Variants in RAD51B observed in about 807,000 individuals in gnomAD.
RAD51B encodes the protein RAD51 paralog B.
RAD51B carries 38 observed loss-of-function variants against 42.2 expected under a neutral mutation model. That is an observed-to-expected ratio of 0.90 (90% CI 0.70 to 1.18). RAD51B has a LOEUF of 1.18. RAD51B is among the 50% of genes most tolerant of loss of function. The pLI, the probability that RAD51B is intolerant of heterozygous loss-of-function variation, is 0.00. For missense variants in RAD51B, 373 were observed against 400.7 expected (o/e 0.93, Z 0.59); for synonymous variants, 154 against 145.2 (o/e 1.06, Z -0.43).
intron 7 of RAD51B, among the ~76,000 whole-genome samples, chr14:68,074,230 A>T (rs2076798300): frequency 6.6e-6 from 1 of 152,060 alleles, no homozygotes; most frequent in Admixed American, 6.5e-5. Flanking sequence ...GTTTTTTAAA[A>T]TTCTTTTTTC....
At chr14:67,937,535 A>G (rs1043632534) in intron 7 of RAD51B, among the ~76,000 whole-genome samples, 6 of 152,216 alleles carry the variant, frequency 3.9e-5, no homozygotes, top group Non-Finnish European at 8.8e-5. Context: ...CTCTAGGTAT[A>G]GTGGGAGTAA....
chr14:68,304,973 C>T (rs755854099), intron 8 of RAD51B, among the ~76,000 whole-genome samples: 2 of 152,174 alleles, frequency 1.3e-5, no homozygotes, highest in Admixed American at 1.3e-4. Flanking sequence ...ATCTATAACC[C>T]ATCATTTTTT....
At chr14:68,562,209 C>T (rs753380141) in intron 10 of RAD51B, 68 of 985,286 alleles carry the variant, frequency 6.9e-5, no homozygotes, top group Non-Finnish European at 8.0e-5. Context: ...CCTGCCTCAC[C>T]AGACATTTGC....
chr14:68,260,319 G>GTGTGTGTGTGTGT (rs1555383057), intron 7 of RAD51B, among the ~76,000 whole-genome samples: 21 of 136,206 alleles, frequency 1.5e-4, no homozygotes, highest in South Asian at 2.2e-4. Context: ...GTGTGTGTGT[G>GTGTGTGTGTGTGT]GAGAGGGGAA....
chr14:67,854,313 T>C (rs1421949567), intron 4 of RAD51B, among the ~76,000 whole-genome samples: 2 of 152,198 alleles, frequency 1.3e-5, no homozygotes, highest in African/African-American at 4.8e-5. Context: ...ATAGATGCTA[T>C]TGTGAATAGG....
intron 10 of RAD51B, among the ~76,000 whole-genome samples, chr14:68,490,317 T>G (rs1292172674): frequency 1.3e-5 from 2 of 152,204 alleles, no homozygotes; most frequent in African/African-American, 4.8e-5. Context: ...TAGAGAGACT[T>G]TCAATGTGGA....
intron 1 of RAD51B, among the ~76,000 whole-genome samples, chr14:67,821,287 G>T (rs2040618101): frequency 6.6e-6 from 1 of 152,200 alleles, no homozygotes; most frequent in Non-Finnish European, 1.5e-5. Flanking sequence ...GACCTCAGCA[G>T]GGTGTGTATT....
chr14:68,327,439 C>T (rs2082272443), intron 8 of RAD51B, among the ~76,000 whole-genome samples: 1 of 142,414 alleles, frequency 7.0e-6, no homozygotes, highest in Non-Finnish European at 1.5e-5. Flanking sequence ...CTACTGCTTT[C>T]TCCTTCTACG....
chr14:68,563,377 G>T (rs1889251229), intron 10 of RAD51B: 1 of 985,342 alleles, frequency 1.0e-6, no homozygotes, highest in Non-Finnish European at 1.2e-6. Context: ...CTGCGAGCTG[G>T]GTTTTTCTTT....
chr14:68,635,762 G>A (rs770625583), intron 10 of RAD51B, among the ~76,000 whole-genome samples: 1 of 152,120 alleles, frequency 6.6e-6, no homozygotes, highest in Non-Finnish European at 1.5e-5. Flanking sequence ...TATTAGATAG[G>A]GCAGATCTAG....
intron 7 of RAD51B, among the ~76,000 whole-genome samples, chr14:68,219,839 C>G (rs987918934): frequency 1.3e-5 from 2 of 152,160 alleles, no homozygotes; most frequent in African/African-American, 4.8e-5. Context: ...AAGGTGAAAT[C>G]TCTGAATTGC....
At chr14:67,921,904 T>A (rs1239726765) in intron 7 of RAD51B, among the ~76,000 whole-genome samples, 3 of 152,106 alleles carry the variant, frequency 2.0e-5, no homozygotes, top group African/African-American at 7.2e-5. Flanking sequence ...TGTGTGTTAG[T>A]GTGCTCTGCG....
intron 7 of RAD51B, among the ~76,000 whole-genome samples, chr14:67,976,690 G>A (rs1304380315): frequency 6.6e-6 from 1 of 151,968 alleles, no homozygotes; most frequent in African/African-American, 2.4e-5. Context: ...AAAAGCAATG[G>A]CAACAAAAGC....
At chr14:68,428,729 ATATATATATATATATATATATAT>A (rs2084918262) in intron 9 of RAD51B, among the ~76,000 whole-genome samples, 1 of 8,032 alleles carries the variant, frequency 1.2e-4, no homozygotes. Context: ...ATATATATAT[ATATATATATATATATATATATAT>A]ATATATATAT....
intron 10 of RAD51B, among the ~76,000 whole-genome samples, chr14:68,648,095 A>ATATATACGTGTG (rs1566963547): frequency 6.9e-5 from 2 of 28,990 alleles, no homozygotes; most frequent in Non-Finnish European, 1.4e-4. Context: ...ACGTGTGTGT[A>ATATATACGTGTG]TATATATATA....
At chr14:67,883,831 G>A (rs542483592) in intron 5 of RAD51B, among the ~76,000 whole-genome samples, 1 of 152,230 alleles carries the variant, frequency 6.6e-6, no homozygotes, top group African/African-American at 2.4e-5. Flanking sequence ...CCAGAACAGT[G>A]CCTGGCATAT....
At chr14:68,020,078 A>G (rs2075839529) in intron 7 of RAD51B, among the ~76,000 whole-genome samples, 1 of 152,108 alleles carries the variant, frequency 6.6e-6, no homozygotes. Flanking sequence ...AGATCATAAC[A>G]AGGTGATGAG....
chr14:68,277,502 T>G lies in RAD51B; in HGVS notation c.757-14382T>G, dbSNP rs1377327868. ...TCAGACTTGGGTTTAGGCCCATTTATATGCTGTAAACTTTAGGCAAGTCAC... is the reference window on the plus strand; with the variant it reads ...TCAGACTTGGGTTTAGGCCCATTTAGATGCTGTAAACTTTAGGCAAGTCAC... On this transcript the variant is annotated intron_variant, in intron 7 of 10. Transcript: ENST00000471583. 2.0e-5 allele frequency among the ~76,000 whole-genome samples: 3 copies of G among 152,224 alleles called. No individual in the cohort carries two copies. The East Asian group carries it at 5.8e-4, about 29-fold the overall frequency.
intron 7 of RAD51B, among the ~76,000 whole-genome samples, chr14:68,252,864 T>C (rs1251056981): frequency 6.6e-6 from 1 of 152,154 alleles, no homozygotes; most frequent in Non-Finnish European, 1.5e-5. Context: ...GCAGATCACC[T>C]GAGGTCAGGA....
Sources: allele counts gnomAD v4.1 joint callset (sites outside exome capture counted in the v4.1 genomes callset), GRCh38; gene constraint gnomAD v4.1.1; transcripts MANE v1.5; gene names NCBI Gene and HGNC (gene_info 2026-07-23, HGNC 2026-07-21).